The following S100PBP variants were observed in gnomAD, a reference collection of about 807,000 sequenced individuals.
S100PBP encodes the protein S100P binding protein, also known as S100P-binding protein.
Under a neutral mutation model 39.9 loss-of-function variants are expected in S100PBP, and 15 were observed. The ratio of observed to expected loss-of-function variants is 0.38; its 90% CI spans 0.25 to 0.58. The LOEUF (loss-of-function observed/expected upper bound fraction) is 0.58, where lower values mean the gene tolerates loss of function less well. Among genes scored for constraint, S100PBP ranks in the 20% least tolerant of loss-of-function variants. The pLI is 0.70. For missense variants in S100PBP, 504 were observed against 487.3 expected (o/e 1.03, Z -0.32); for synonymous variants, 178 against 180.3 (o/e 0.99, Z 0.10).
At position 32,826,886 on chromosome 1, in the gene S100PBP, A is replaced by G. The variant is rs751207109; in HGVS notation, c.787A>G (p.Ser263Gly). 5.0e-6 allele frequency: 8 copies of G among 1,605,938 alleles called. No homozygotes were observed. Among genetic ancestry groups the G allele is most frequent in the South Asian group, 2.2e-5 (2 of 89,040 alleles). ...CAGAAATGGTGGTTCACACAAGTCA[A>G]GTTGTGAAATGAGATCTCTGGTTGT... ...SCRNGGSHKS[S>G]CEMRSLVVST... Residue 263 changes from serine to glycine, a missense_variant, in exon 3 of 7, where the codon AGT becomes GGT. Coordinates refer to ENST00000373475, the MANE Select transcript of S100PBP (RefSeq NM_022753.4).
intron 5 of S100PBP, among the ~76,000 whole-genome samples, chr1:32,845,919 T>G (rs146947709): frequency 2.0e-5 from 3 of 152,066 alleles, no homozygotes; most frequent in Non-Finnish European, 4.4e-5. Flanking sequence ...GCTCAAGTGA[T>G]CTATCCACCT....
At chr1:32,841,077 C>T (rs940979066) in intron 5 of S100PBP, among the ~76,000 whole-genome samples, 1 of 150,946 alleles carries the variant, frequency 6.6e-6, no homozygotes, top group Non-Finnish European at 1.5e-5. Context: ...AGGAGAATGG[C>T]GTGAACCCGG....
intron 5 of S100PBP, among the ~76,000 whole-genome samples, chr1:32,844,159 G>T (rs573844157): frequency 6.6e-6 from 1 of 151,984 alleles, no homozygotes; most frequent in Non-Finnish European, 1.5e-5. Flanking sequence ...TAGGTGATCC[G>T]CCCACTTCGG....
chr1:32,831,032 A>T (rs1223153444), intron 5 of S100PBP, among the ~76,000 whole-genome samples: 2 of 151,576 alleles, frequency 1.3e-5, no homozygotes, highest in Non-Finnish European at 2.9e-5. Flanking sequence ...GTGAGCCAAG[A>T]TCATGCCGTC....
chr1:32,858,696 GT>G lies in S100PBP; in HGVS notation c.*2661del, dbSNP rs984346561. On this transcript the variant is annotated 3_prime_UTR_variant, in exon 7 of 7. Coordinates refer to ENST00000373475, the MANE Select transcript of S100PBP (RefSeq NM_022753.4). ...AGAGTAAAAATATGCTGTTTACATT[GT>G]TTACTTACAAGTAAGGAGCCTGAAA... 6.6e-6 allele frequency: 1 copy of G among 152,126 alleles called. No homozygotes were observed. The allele number at this position is 152,126 out of a possible 1,614,324, so 9.4% of individuals were successfully genotyped here. A position where few individuals can be genotyped will look rare whatever the true frequency, so the allele number is the denominator to read the frequency against.
Position 32,829,968 on chromosome 1 carries a change from A to C in S100PBP, c.925A>C (p.Asn309His). The C allele has an allele frequency of 6.2e-7, 1 of 1,612,224 alleles. No individual in the cohort carries two copies. The highest frequency in any genetic ancestry group is 2.2e-5 in the East Asian group (1 of 44,872). ...TTCTGGTTTGCTTTATTCAAGGACT[A>C]ATGTTCCGACGTTTTCACAGTCAAA... Reference protein sequence around the residue: ...IPVLQTKTRTNVPTFSQSNLE... With the variant: ...IPVLQTKTRTHVPTFSQSNLE... The change falls in exon 5 of 7, where the codon AAT becomes CAT. Residue 309 changes from asparagine to histidine, a missense_variant. Transcript: ENST00000373475.
At chr1:32,849,819 A>G (rs1008803866) in intron 5 of S100PBP, among the ~76,000 whole-genome samples, 4 of 152,214 alleles carry the variant, frequency 2.6e-5, no homozygotes, top group Non-Finnish European at 5.9e-5. Context: ...TGGCTTTGTC[A>G]TTAGACATGT....
intron 5 of S100PBP, among the ~76,000 whole-genome samples, chr1:32,831,407 C>G (rs1201104424): frequency 6.6e-6 from 1 of 151,788 alleles, no homozygotes; most frequent in Admixed American, 6.6e-5. Context: ...TTTAATTACT[C>G]TAAGATCTAT....
rs1000926872 is a variant in S100PBP at position 32,856,201 on chromosome 1, T to G, written c.*163T>G. 1 of 462,040 alleles carries G rather than the reference T, an allele frequency of 2.2e-6. No individual in the cohort carries two copies. The highest frequency in any genetic ancestry group is 2.0e-5 in the African/African-American group (1 of 50,128). The allele number at this position is 462,040 out of a possible 1,614,324, so 28.6% of individuals were successfully genotyped here. On this transcript the variant is annotated 3_prime_UTR_variant, in exon 7 of 7. Transcript: ENST00000373475. ...CCTTTTGGAAATGCCCATTGCCGAC[T>G]TGAATTTTTTTGTATGAAGTCCCTC...
intron 5 of S100PBP, among the ~76,000 whole-genome samples, chr1:32,844,517 C>A (rs1339724671): frequency 6.6e-6 from 1 of 152,134 alleles, no homozygotes; most frequent in African/African-American, 2.4e-5. Flanking sequence ...GGTTCTGTCC[C>A]CCAGGCTAGA....
chr1:32,842,216 TATATGTATATATATATATATACACAC>T (rs1640137610), intron 5 of S100PBP, among the ~76,000 whole-genome samples: 1 of 63,022 alleles, frequency 1.6e-5, no homozygotes, highest in South Asian at 4.8e-4. Flanking sequence ...TATATATATA[TATATGTATATATATATATATACACAC>T]ACACACACAC....
intron 5 of S100PBP, among the ~76,000 whole-genome samples, chr1:32,840,983 A>G (rs1410585091): frequency 6.6e-6 from 1 of 151,156 alleles, no homozygotes. Context: ...ACACGGTGAA[A>G]CCCCGTCTCT....
chr1:32,844,890 G>A (rs532874943), intron 5 of S100PBP, among the ~76,000 whole-genome samples: 83 of 151,744 alleles, frequency 5.5e-4, no homozygotes, highest in African/African-American at 1.7e-3. Flanking sequence ...GTGCAGTGGC[G>A]TGATCTCGGC....
intron 6 of S100PBP, among the ~76,000 whole-genome samples, chr1:32,854,394 A>C (rs1320793485): frequency 6.6e-6 from 1 of 152,246 alleles, no homozygotes; most frequent in Non-Finnish European, 1.5e-5. Context: ...TGTATTGTTT[A>C]GGAAATAATG....
intron 5 of S100PBP, among the ~76,000 whole-genome samples, chr1:32,839,914 A>G (rs2148669177): frequency 6.6e-6 from 1 of 152,286 alleles, no homozygotes; most frequent in Non-Finnish European, 1.5e-5. Flanking sequence ...CCCAGGCTCA[A>G]GCAATCCTCC....
At chr1:32,838,346 A>G (rs1338416727) in intron 5 of S100PBP, among the ~76,000 whole-genome samples, 2 of 151,292 alleles carry the variant, frequency 1.3e-5, no homozygotes, top group African/African-American at 4.8e-5. Flanking sequence ...AAAAAAAAAA[A>G]AAAAAAAGAA....
chr1:32,853,829 G>A (rs1640721264), intron 6 of S100PBP, among the ~76,000 whole-genome samples: 1 of 152,098 alleles, frequency 6.6e-6, no homozygotes, highest in Admixed American at 6.6e-5. Flanking sequence ...GGAGCTTGAG[G>A]CTGTGATGAG....
chr1:32,843,812 T>C (rs1019722623), intron 5 of S100PBP, among the ~76,000 whole-genome samples: 1 of 151,540 alleles, frequency 6.6e-6, no homozygotes, highest in African/African-American at 2.4e-5. Flanking sequence ...ATGGTCTCGA[T>C]CTCCTGACCT....
chr1:32,816,728 C>T, upstream of S100PBP: 1 of 167,882 alleles, frequency 6.0e-6, no homozygotes, highest in South Asian at 1.4e-4. Context: ...TCCTTCAAGG[C>T]GCAGTTTGGA....
Sources: gnomAD v4.1 joint callset for allele counts (sites outside exome capture counted in the v4.1 genomes callset) on GRCh38, gnomAD v4.1.1 for gene constraint, MANE v1.5 for transcripts, NCBI Gene and HGNC (gene_info 2026-07-23, HGNC 2026-07-21) for gene names.